Variants in GRIN2A observed in about 807,000 individuals in gnomAD.
GRIN2A encodes glutamate ionotropic receptor NMDA type subunit 2A, also known as glutamate receptor ionotropic, NMDA 2A.
GRIN2A carries 22 observed loss-of-function variants against 113.4 expected under a neutral mutation model. The observed-to-expected ratio is 0.19, with a 90% CI of 0.14 to 0.28. The LOEUF is 0.28. Ranked by LOEUF, GRIN2A falls within the 10% of genes least tolerant of loss-of-function variation. GRIN2A has a pLI of 1.00. For synonymous variants in GRIN2A, 827 were observed against 738.4 expected (o/e 1.12, Z -1.94); for missense variants, 1,502 against 1,887.0 (o/e 0.80, Z 3.78).
At chr16:10,048,298 T>C (rs67679267) in intron 2 of GRIN2A, among the ~76,000 whole-genome samples, 19,897 of 152,194 alleles carry the variant, frequency 0.13, 1,722 homozygotes, top group African/African-American at 0.24. Flanking sequence ...ATGTAAGCAA[T>C]TATTCCTTTT....
chr16:9,969,124 G>T (rs1019977730), intron 2 of GRIN2A, among the ~76,000 whole-genome samples: 1 of 151,924 alleles, frequency 6.6e-6, no homozygotes, highest in Non-Finnish European at 1.5e-5. Flanking sequence ...CACTTCAAAT[G>T]CTCAGTAGAC....
chr16:10,069,945 G>C (rs1360843286), intron 2 of GRIN2A, among the ~76,000 whole-genome samples: 1 of 152,188 alleles, frequency 6.6e-6, no homozygotes, highest in African/African-American at 2.4e-5. Flanking sequence ...GGAGCAAGAG[G>C]AAGACAATCA....
At chr16:9,860,445 C>CAA (rs35715098) in intron 4 of GRIN2A, among the ~76,000 whole-genome samples, 930 of 57,886 alleles carry the variant, frequency 0.016, 75 homozygotes, top group African/African-American at 0.049. Flanking sequence ...AAGAGTCTCT[C>CAA]AAAAAAAAAA....
Position 9,934,845 on chromosome 16 carries a change from A to G in GRIN2A, c.1007+3114T>C, listed in dbSNP as rs192768177. 4.3e-3 allele frequency among the ~76,000 whole-genome samples: 650 copies of G among 151,692 alleles called. 18 individuals carry two copies. The highest frequency in any genetic ancestry group is 1.7e-3 in the Non-Finnish European group (113 of 67,932). ...GACCGTGGGAGAGTGTGGGAAGGAG[A>G]GACTGCTTGTGCCTTATCCAAACTT... On this transcript the variant is annotated intron_variant, in intron 3 of 12. Transcript: ENST00000330684.
At chr16:9,933,317 T>C (rs1367079937) in intron 3 of GRIN2A, among the ~76,000 whole-genome samples, 1 of 150,400 alleles carries the variant, frequency 6.6e-6, no homozygotes, top group African/African-American at 2.5e-5. Context: ...GCCCAGCCCA[T>C]GAGCAACAAT....
At chr16:9,998,266 G>T (rs775983040) in intron 2 of GRIN2A, among the ~76,000 whole-genome samples, 1 of 152,052 alleles carries the variant, frequency 6.6e-6, no homozygotes, top group African/African-American at 2.4e-5. Flanking sequence ...CATGAACCTC[G>T]AAAACGTCAT....
chr16:10,143,197 G>A (rs1435325610), intron 2 of GRIN2A, among the ~76,000 whole-genome samples: 1 of 152,182 alleles, frequency 6.6e-6, no homozygotes, highest in African/African-American at 2.4e-5. Flanking sequence ...TCTGGGTTGT[G>A]AAAACAAGGA....
At chr16:9,899,083 G>A (rs1019690884) in intron 3 of GRIN2A, among the ~76,000 whole-genome samples, 3 of 151,918 alleles carry the variant, frequency 2.0e-5, no homozygotes, top group African/African-American at 7.3e-5. Flanking sequence ...GTACTCATTG[G>A]TGGTTTCCTG....
intron 2 of GRIN2A, among the ~76,000 whole-genome samples, chr16:10,035,522 C>T (rs1220795556): frequency 1.3e-5 from 2 of 152,180 alleles, no homozygotes; most frequent in Non-Finnish European, 2.9e-5. Context: ...TGTCACCTCC[C>T]CTGTGAAGCT....
intron 2 of GRIN2A, among the ~76,000 whole-genome samples, chr16:10,161,657 T>A (rs1423034099): frequency 6.6e-6 from 1 of 152,174 alleles, no homozygotes; most frequent in Non-Finnish European, 1.5e-5. Flanking sequence ...ATTTAGTGGC[T>A]CTAAGCAGCA....
chr16:9,827,175 C>T (rs1256913177), intron 9 of GRIN2A, among the ~76,000 whole-genome samples: 3 of 152,236 alleles, frequency 2.0e-5, no homozygotes, highest in African/African-American at 4.8e-5. Context: ...AAGCAGGCAC[C>T]GTGAGGTGAC....
At chr16:9,802,570 C>G (rs1403930407) in intron 10 of GRIN2A, among the ~76,000 whole-genome samples, 1 of 152,128 alleles carries the variant, frequency 6.6e-6, no homozygotes, top group Non-Finnish European at 1.5e-5. Context: ...CCACTGAGGC[C>G]TCACAACTGT....
intron 2 of GRIN2A, among the ~76,000 whole-genome samples, chr16:9,984,171 G>T (rs1303652668): frequency 6.6e-6 from 1 of 151,438 alleles, no homozygotes; most frequent in Non-Finnish European, 1.5e-5. Context: ...TCATAAACTT[G>T]TCCATTTGCA....
chr16:10,076,841 A>T (rs2047882431), intron 2 of GRIN2A, among the ~76,000 whole-genome samples: 1 of 152,258 alleles, frequency 6.6e-6, no homozygotes, highest in Non-Finnish European at 1.5e-5. Context: ...TGTAGTAGGC[A>T]GAGCACTGGT....
intron 8 of GRIN2A, among the ~76,000 whole-genome samples, chr16:9,830,376 C>T (rs1285692263): frequency 1.3e-5 from 2 of 150,560 alleles, no homozygotes; most frequent in African/African-American, 2.4e-5. Context: ...TTGCAACAGA[C>T]TTAACTAAAG....
chr16:10,122,243 T>G (rs971426517), intron 2 of GRIN2A, among the ~76,000 whole-genome samples: 11 of 152,244 alleles, frequency 7.2e-5, no homozygotes, highest in African/African-American at 2.4e-4. Context: ...AAAAAAACTC[T>G]GGCTACAGGA....
chr16:9,797,398 C>T (rs1405505182), intron 11 of GRIN2A, among the ~76,000 whole-genome samples: 2 of 152,196 alleles, frequency 1.3e-5, no homozygotes, highest in Non-Finnish European at 2.9e-5. Context: ...AGAGGCCATG[C>T]CAGGAAACCC....
chr16:9,804,059 A>C (rs2041917873), intron 10 of GRIN2A, among the ~76,000 whole-genome samples: 1 of 152,174 alleles, frequency 6.6e-6, no homozygotes, highest in South Asian at 2.1e-4. Flanking sequence ...CCTCCATAGA[A>C]AACTCTTGCC....
intron 2 of GRIN2A, among the ~76,000 whole-genome samples, chr16:10,069,903 A>T (rs528169747): frequency 6.6e-6 from 1 of 152,308 alleles, no homozygotes; most frequent in Non-Finnish European, 1.5e-5. Flanking sequence ...TACTAAAGAG[A>T]GAAAGACCTG....
Sources: allele counts gnomAD v4.1 joint callset (sites outside exome capture counted in the v4.1 genomes callset), GRCh38; gene constraint gnomAD v4.1.1; transcripts MANE v1.5; gene names NCBI Gene and HGNC (gene_info 2026-07-23, HGNC 2026-07-21).